The following PIK3CA variants were observed in gnomAD, a reference collection of about 807,000 sequenced individuals.
PIK3CA encodes phosphatidylinositol 4,5-bisphosphate 3-kinase catalytic subunit alpha isoform.
Under a neutral mutation model 138.2 loss-of-function variants are expected in PIK3CA, and 27 were observed. The ratio of observed to expected loss-of-function variants is 0.20; its 90% CI spans 0.14 to 0.27. The LOEUF (loss-of-function observed/expected upper bound fraction) is 0.27. Ranked by LOEUF, PIK3CA falls within the 10% of genes least tolerant of loss-of-function variation. PIK3CA has a pLI of 1.00. For synonymous variants in PIK3CA, 358 were observed against 413.2 expected, an observed-to-expected ratio of 0.87 and a Z score of 1.62; for missense variants, 544 against 1,277.4, an observed-to-expected ratio of 0.43 and a Z score of 8.75.
chr3:179,213,391 T>C (rs1195558015), intron 9 of PIK3CA, among the ~76,000 whole-genome samples: 1 of 152,272 alleles, frequency 6.6e-6, no homozygotes, highest in Non-Finnish European at 1.5e-5. Context: ...ATGTACATAC[T>C]TTAAAAATAT....
chr3:179,198,665 T>G (rs1372681069), intron 1 of PIK3CA, 85 bp from the exon 2 acceptor site: 2 of 454,514 alleles, frequency 4.4e-6, no homozygotes, highest in African/African-American at 2.0e-5. Flanking sequence ...CTATGGAAAA[T>G]GAGTTTTTAC....
At chr3:179,201,707 G>GCCATT (rs1321893155) in intron 4 of PIK3CA, among the ~76,000 whole-genome samples, 167 bp downstream of exon 4, 1 of 150,272 alleles carries the variant, frequency 6.7e-6, no homozygotes, top group Non-Finnish European at 1.5e-5. Flanking sequence ...CTGGGTTCAT[G>GCCATT]CCATTCTCCT....
upstream of PIK3CA, chr3:179,148,294 A>G (rs1576907727): frequency 7.1e-6 from 1 of 139,916 alleles, no homozygotes; most frequent in Admixed American, 7.1e-5. Context: ...CGGAGAAAGG[A>G]GTCGGGGGCG....
chr3:179,156,707 C>T (rs1361180140), intron 1 of PIK3CA, among the ~76,000 whole-genome samples: 3 of 152,148 alleles, frequency 2.0e-5, no homozygotes, highest in Non-Finnish European at 4.4e-5. Flanking sequence ...TTAACCAGCA[C>T]ACTGCTCAGG....
At position 179,201,424 on chromosome 3, in the gene PIK3CA, T is replaced by C. The variant is rs756008565; in HGVS notation, c.697T>C (p.Leu233=). The C allele has an allele frequency of 1.9e-6, 3 of 1,613,912 alleles. No individual in the cohort carries two copies. The highest frequency in any genetic ancestry group is 2.5e-6 in the Non-Finnish European group (3 of 1,179,942). ...AATCAGGAAAAAAACTCGAAGTATG[T>C]TGCTATCCTCTGAACAACTAAAACT... ...EAIRKKTRSM[L]LSSEQLKLCV... Residue 233 remains leucine (L), a synonymous_variant, in exon 4 of 21, where the codon TTG becomes CTG. Coordinates refer to ENST00000263967, the MANE Select transcript of PIK3CA (RefSeq NM_006218.4).
chr3:179,148,982 G>C (rs1176087701), intron 1 of PIK3CA, among the ~76,000 whole-genome samples: 1 of 152,152 alleles, frequency 6.6e-6, no homozygotes, highest in African/African-American at 2.4e-5. Flanking sequence ...GCGGGTGGAG[G>C]GGCTGCCGCG....
chr3:179,231,719 G>A (rs1377143499), intron 20 of PIK3CA, among the ~76,000 whole-genome samples: 7 of 120,634 alleles, frequency 5.8e-5, no homozygotes, highest in South Asian at 2.9e-4. Flanking sequence ...TCAGCTCACC[G>A]CAACCTCCAC....
At chr3:179,183,127 A>G (rs1723890046) in intron 1 of PIK3CA, among the ~76,000 whole-genome samples, 2 of 152,248 alleles carry the variant, frequency 1.3e-5, no homozygotes, top group South Asian at 4.1e-4. Flanking sequence ...CCCTTTTGCC[A>G]GAGATCAAAT....
rs569483050 is a variant in PIK3CA, at chr3:179,184,409, C to G, written c.-76-14341C>G. Among the ~76,000 whole-genome samples, 12 of 152,280 alleles carry G rather than the reference C, an allele frequency of 7.9e-5. No homozygotes were observed. In the South Asian group the frequency reaches 2.3e-3, roughly 29 times the overall value. On this transcript the variant is annotated intron_variant, in intron 1 of 20. Transcript: ENST00000263967. ...ACACCATAGCTACAGTTTTATGACA[C>G]TTGGTCTCAGGAAATAGAGAACTCT...
In PIK3CA at chr3:179,234,508, A is replaced by G. The variant is rs2108430625; in HGVS notation, c.*144A>G. ...ACAGCAAGAACAGAAATAAAATACT[A>G]TATAATTTAAATAATGTAAACGCAA... On this transcript the variant is annotated 3_prime_UTR_variant, in exon 21 of 21. Transcript: ENST00000263967. The surrounding 1 kb of genome is among the most constrained non-coding windows in gnomAD (Gnocchi z 5.1). The G allele has an allele frequency of 1.1e-5, 6 of 550,870 alleles. No individual in the cohort carries two copies. The highest frequency in any genetic ancestry group is 1.5e-5 in the Non-Finnish European group (5 of 334,846). 34.1% of individuals were successfully genotyped at this position (550,870 alleles called of 1,614,324 possible). A position where few individuals can be genotyped will look rare whatever the true frequency, so the allele number is the denominator to read the frequency against.
In PIK3CA at chr3:179,235,306, G is replaced by T. The variant is rs1725312617; in HGVS notation, c.*942G>T. The T allele has an allele frequency of 5.6e-6, 1 of 177,678 alleles. No homozygotes were observed. The highest frequency in any genetic ancestry group is 2.4e-5 in the African/African-American group (1 of 42,122). The allele number at this position is 177,678 out of a possible 1,614,324, so 11.0% of individuals were successfully genotyped here. A position where few individuals can be genotyped will look rare whatever the true frequency, so the allele number is the denominator to read the frequency against. ...TAAAAAGATTATTTTTTTTATTAAA[G>T]GCTATTTATATTATAGAAACTATCA... is the stretch of plus-strand genomic sequence containing the variant. On this transcript the variant is annotated 3_prime_UTR_variant, in exon 21 of 21. Coordinates refer to ENST00000263967, the MANE Select transcript of PIK3CA (RefSeq NM_006218.4).
chr3:179,227,840 T>G (rs1725118777), intron 17 of PIK3CA, among the ~76,000 whole-genome samples: 1 of 152,076 alleles, frequency 6.6e-6, no homozygotes, highest in Non-Finnish European at 1.5e-5. Flanking sequence ...CTTGACTAAG[T>G]GTCCTATTTA....
At chr3:179,196,722 A>G (rs1022628580) in intron 1 of PIK3CA, among the ~76,000 whole-genome samples, 4 of 152,226 alleles carry the variant, frequency 2.6e-5, no homozygotes, top group African/African-American at 9.6e-5. Flanking sequence ...AAGAATTGGT[A>G]CAGCATAAAT....
chr3:179,233,429 T>TAA, intron 20 of PIK3CA: 5 of 394,382 alleles, frequency 1.3e-5, no homozygotes, highest in Admixed American at 4.4e-5. Context: ...TTTTTTTTTT[T>TAA]GTATTTATTT....
intron 1 of PIK3CA, among the ~76,000 whole-genome samples, chr3:179,186,051 G>A (rs1330715323): frequency 1.3e-5 from 2 of 152,178 alleles, no homozygotes; most frequent in Admixed American, 1.3e-4. Flanking sequence ...CTTTAATCTT[G>A]CCTTGGTTTT....
chr3:179,190,956 A>G (rs1204540464), intron 1 of PIK3CA, among the ~76,000 whole-genome samples: 8 of 152,352 alleles, frequency 5.3e-5, no homozygotes, highest in African/African-American at 1.9e-4. Flanking sequence ...TCTCTCAGAT[A>G]GTAGCCCTCA....
chr3:179,199,558 G>A, intron 2 of PIK3CA, 132 bp from the exon 3 acceptor site: 2 of 571,946 alleles, frequency 3.5e-6, no homozygotes, highest in Non-Finnish European at 6.0e-6. Flanking sequence ...TCAAAAATTT[G>A]TTTTAACCTA....
At chr3:179,159,374 AGTT>A (rs1723218956) in intron 1 of PIK3CA, among the ~76,000 whole-genome samples, 1 of 152,206 alleles carries the variant, frequency 6.6e-6, no homozygotes. Context: ...CATCACGAAG[AGTT>A]ACAGCTGAAA....
chr3:179,190,305 GCACCCCCCC>G (rs1724094908), intron 1 of PIK3CA, among the ~76,000 whole-genome samples: 2 of 132,432 alleles, frequency 1.5e-5, no homozygotes, highest in Admixed American at 1.5e-4. Context: ...TATATATAGT[GCACCCCCCC>G]CACCACCCCC....
Sources: gnomAD v4.1 joint callset for allele counts (sites outside exome capture counted in the v4.1 genomes callset) on GRCh38, gnomAD v4.1.1 for gene constraint, Gnocchi (gnomAD v3.1) non-coding constraint, MANE v1.5 for transcripts, NCBI Gene and HGNC (gene_info 2026-07-23, HGNC 2026-07-21) for gene names.